Variants in PPM1L observed in about 807,000 individuals in gnomAD.
The protein encoded by PPM1L is protein phosphatase, Mg2+/Mn2+ dependent 1L, also known as protein phosphatase 1L.
PPM1L carries 13 observed loss-of-function variants against 31.4 expected under a neutral mutation model. That is an observed-to-expected ratio of 0.41 (90% CI 0.27 to 0.66). The LOEUF is 0.66. Ranked by LOEUF, PPM1L falls within the 30% of genes least tolerant of loss-of-function variation. The pLI is 0.29. For missense variants in PPM1L, 326 were observed against 453.7 expected (o/e 0.72, Z 2.56); for synonymous variants, 184 against 175.4 (o/e 1.05, Z -0.39).
intron 1 of PPM1L, among the ~76,000 whole-genome samples, chr3:160,769,406 G>A (rs928498581): frequency 1.3e-5 from 2 of 152,092 alleles, no homozygotes; most frequent in African/African-American, 4.8e-5. Flanking sequence ...TCTTATTTTT[G>A]GATTGTCTTA....
chr3:160,976,574 G>A (rs1716585547), intron 2 of PPM1L, among the ~76,000 whole-genome samples: 2 of 151,510 alleles, frequency 1.3e-5, no homozygotes, highest in East Asian at 1.9e-4. Flanking sequence ...TCTATTCAGA[G>A]ATTCAACTTC....
At chr3:160,842,133 G>A (rs1713900579) in intron 1 of PPM1L, 1 of 632,168 alleles carries the variant, frequency 1.6e-6, no homozygotes, top group Non-Finnish European at 2.8e-6. Flanking sequence ...TTCAGAAGGA[G>A]AGAGATTTTG....
At chr3:160,778,333 T>C (rs1711621987) in intron 1 of PPM1L, among the ~76,000 whole-genome samples, 1 of 152,158 alleles carries the variant, frequency 6.6e-6, no homozygotes, top group Non-Finnish European at 1.5e-5. Context: ...TCTAATATAT[T>C]TTTATAACTT....
intron 2 of PPM1L, among the ~76,000 whole-genome samples, chr3:161,015,685 T>G (rs1049520665): frequency 6.6e-6 from 1 of 152,190 alleles, no homozygotes; most frequent in Non-Finnish European, 1.5e-5. Context: ...TTCTCTTGAT[T>G]TGCGTTATTT....
intron 2 of PPM1L, among the ~76,000 whole-genome samples, chr3:160,976,980 G>C (rs1275983819): frequency 6.6e-6 from 1 of 151,878 alleles, no homozygotes; most frequent in African/African-American, 2.4e-5. Context: ...TGTCAATTTT[G>C]GATCTTTCCT....
At chr3:160,851,815 G>A (rs1219774251) in intron 1 of PPM1L, among the ~76,000 whole-genome samples, 2 of 152,148 alleles carry the variant, frequency 1.3e-5, no homozygotes, top group African/African-American at 2.4e-5. Flanking sequence ...GACACATTCT[G>A]CTGTTACTCC....
chr3:160,861,748 G>T (rs1711898112), intron 1 of PPM1L, among the ~76,000 whole-genome samples: 1 of 152,160 alleles, frequency 6.6e-6, no homozygotes, highest in African/African-American at 2.4e-5. Context: ...GGGTGTTATG[G>T]CACTAACCAA....
intron 1 of PPM1L, among the ~76,000 whole-genome samples, chr3:160,898,514 C>T (rs1452373265): frequency 6.6e-6 from 1 of 152,126 alleles, no homozygotes. Context: ...AGTTATCCAA[C>T]AAGATAACCT....
intron 2 of PPM1L, among the ~76,000 whole-genome samples, chr3:160,993,796 C>T (rs1447310229): frequency 1.3e-5 from 2 of 152,126 alleles, no homozygotes; most frequent in Non-Finnish European, 2.9e-5. Context: ...AGTTACAAAA[C>T]TTGAACCGAC....
chr3:160,986,234 CT>C (rs1349480281), intron 2 of PPM1L, among the ~76,000 whole-genome samples: 1 of 152,138 alleles, frequency 6.6e-6, no homozygotes, highest in Non-Finnish European at 1.5e-5. Context: ...CATTAACCCA[CT>C]TTTGCTACCC....
rs944259072 is a variant in PPM1L at position 161,071,927 on chromosome 3, C to T, written c.*2770C>T. 6.6e-6 allele frequency: 1 copy of T among 152,176 alleles called. No individual in the cohort carries two copies. The highest frequency in any genetic ancestry group is 1.5e-5 in the Non-Finnish European group (1 of 68,036). 9.4% of individuals were successfully genotyped at this position (152,176 alleles called of 1,614,324 possible). ...TGTCACCCAAGGCTTCCTAGACTCC[C>T]TAGCTAGCTCGAGTTCGAATTGCCA... is the stretch of plus-strand genomic sequence containing the variant. On this transcript the variant is annotated 3_prime_UTR_variant, in exon 4 of 4. Coordinates refer to ENST00000498165, the MANE Select transcript of PPM1L (RefSeq NM_139245.4).
At chr3:161,020,893 A>T (rs904773156) in intron 2 of PPM1L, among the ~76,000 whole-genome samples, 9 of 152,044 alleles carry the variant, frequency 5.9e-5, no homozygotes, top group African/African-American at 2.2e-4. Flanking sequence ...TTTTATTGAT[A>T]TAAAGTTGGT....
chr3:161,024,282 A>C (rs1215072501), intron 2 of PPM1L, among the ~76,000 whole-genome samples: 1 of 151,414 alleles, frequency 6.6e-6, no homozygotes, highest in East Asian at 1.9e-4. Flanking sequence ...AAAAAAAAAA[A>C]GATTTTTGGA....
intron 1 of PPM1L, among the ~76,000 whole-genome samples, chr3:160,931,001 T>A (rs1460244329): frequency 6.6e-6 from 1 of 152,168 alleles, no homozygotes; most frequent in Non-Finnish European, 1.5e-5. Context: ...ATTTTAAGGC[T>A]GTAGTTTAAG....
chr3:161,026,461 C>T (rs1470894939), intron 2 of PPM1L, among the ~76,000 whole-genome samples: 7 of 151,968 alleles, frequency 4.6e-5, no homozygotes, highest in South Asian at 2.1e-4. Flanking sequence ...TTTGGGAGGC[C>T]GAGGCAGGAG....
At chr3:161,017,645 G>A (rs935157635) in intron 2 of PPM1L, among the ~76,000 whole-genome samples, 4 of 152,128 alleles carry the variant, frequency 2.6e-5, no homozygotes, top group African/African-American at 9.7e-5. Flanking sequence ...GTCAAAGAAA[G>A]AGAGCAGTTA....
chr3:160,925,963 A>G lies in PPM1L; in HGVS notation c.400-35773A>G, dbSNP rs535516788. ...AGTATAAGCTAATCTCACAGCCACA[A>G]ACCTCTGGATTCAGAATTCTAGCAC... On this transcript the variant is annotated intron_variant, in intron 1 of 3. Coordinates refer to ENST00000498165, the MANE Select transcript of PPM1L (RefSeq NM_139245.4). 7.9e-5 allele frequency among the ~76,000 whole-genome samples: 12 copies of G among 152,314 alleles called. No individual in the cohort carries two copies. In the South Asian group the frequency reaches 2.5e-3, roughly 32 times the overall value.
chr3:160,771,206 A>G (rs1560102869), intron 1 of PPM1L, among the ~76,000 whole-genome samples: 1 of 152,160 alleles, frequency 6.6e-6, no homozygotes, highest in Non-Finnish European at 1.5e-5. Flanking sequence ...ATAAAGTAAT[A>G]GAATAAGTAA....
At chr3:161,010,539 A>T (rs1717858547) in intron 2 of PPM1L, among the ~76,000 whole-genome samples, 1 of 152,236 alleles carries the variant, frequency 6.6e-6, no homozygotes, top group African/African-American at 2.4e-5. Context: ...GTATATACCC[A>T]GTAATGGGAT....
Sources: gnomAD v4.1 joint callset for allele counts (sites outside exome capture counted in the v4.1 genomes callset) on GRCh38, gnomAD v4.1.1 for gene constraint, MANE v1.5 for transcripts, NCBI Gene and HGNC (gene_info 2026-07-23, HGNC 2026-07-21) for gene names.